Variants in BDKRB1 observed in about 807,000 individuals in gnomAD.
BDKRB1 encodes the protein bradykinin receptor B1, also known as B1 bradykinin receptor.
For missense variants in BDKRB1, 414 were observed against 441.4 expected (o/e 0.94, Z 0.56); for synonymous variants, 192 against 189.1 (o/e 1.02, Z -0.13).
At position 96,264,025 on chromosome 14, in the gene BDKRB1, G is replaced by T. The variant is rs753854373; in HGVS notation, c.343G>T (p.Gly115Trp). 4.3e-6 allele frequency: 7 copies of T among 1,613,982 alleles called. No individual in the cohort carries two copies. In the African/African-American group the frequency reaches 8.0e-5, roughly 18 times the overall value. ...FGALLCRVINGVIKANLFISI... is the reference protein window; with the variant it reads ...FGALLCRVINWVIKANLFISI... ...AGCCCTCCTCTGCCGTGTCATCAAC[G>T]GGGTCATCAAGGCCAATTTGTTCAT... is the stretch of plus-strand genomic sequence containing the variant. The change falls in exon 3 of 3, where the codon GGG becomes TGG. Residue 115 changes from glycine (G) to tryptophan (W), a missense_variant. By Grantham distance (184) the Gly-to-Trp change is radical. Coordinates refer to ENST00000216629, the MANE Select transcript of BDKRB1 (RefSeq NM_000710.4).
intron 1 of BDKRB1, among the ~76,000 whole-genome samples, chr14:96,257,095 G>C (rs1885633285): frequency 6.6e-6 from 1 of 152,172 alleles, no homozygotes; most frequent in Non-Finnish European, 1.5e-5. Context: ...CTCCTCTCTA[G>C]CCAACTTTAT....
chr14:96,262,786 C>G lies in BDKRB1; in HGVS notation c.-11+16C>G, dbSNP rs1885788599. 2.6e-6 allele frequency: 1 copy of G among 387,998 alleles called. No homozygotes were observed. The highest frequency in any genetic ancestry group is 2.1e-5 in the African/African-American group (1 of 46,776). The allele number at this position is 387,998 out of a possible 1,614,324, so 24.0% of individuals were successfully genotyped here. A position where few individuals can be genotyped will look rare whatever the true frequency, so the allele number is the denominator to read the frequency against. The stretch of plus-strand genomic sequence containing the variant: ...GGGACCACAGGTATGCACCACCATG[C>G]CCAGCTAATTTTTGTATTTTTTGTA... On this transcript the variant is annotated intron_variant, in intron 2 of 2. Transcript: ENST00000216629.
intron 2 of BDKRB1, 41 bp from the exon 3 acceptor site, chr14:96,263,632 T>A: frequency 6.5e-7 from 1 of 1,542,776 alleles, no homozygotes; most frequent in Non-Finnish European, 8.7e-7. Context: ...TAGGCTGTAG[T>A]CTGCCACTTC....
rs749391403 is a variant in BDKRB1 at position 96,262,702 on chromosome 14, G to A, written c.-79G>A. ...AAGTGCAGTGGCACAATCATAGCTC[G>A]CTGCAGCCTCGACCTTCCAGGCTTA... On this transcript the variant is annotated 5_prime_UTR_variant, in exon 2 of 3. Coordinates refer to ENST00000216629, the MANE Select transcript of BDKRB1 (RefSeq NM_000710.4). 1.4e-4 allele frequency: 62 copies of A among 443,434 alleles called. No homozygotes were observed. The highest frequency in any genetic ancestry group is 1.0e-3 in the African/African-American group (49 of 47,132). The allele number at this position is 443,434 out of a possible 1,614,324, so 27.5% of individuals were successfully genotyped here.
At chr14:96,261,537 T>C (rs10147171) in intron 1 of BDKRB1, among the ~76,000 whole-genome samples, 14,921 of 152,288 alleles carry the variant, frequency 0.098, 806 homozygotes, top group African/African-American at 0.13. Context: ...CTGACTCTCC[T>C]GAGGTTACAC....
At chr14:96,260,456 C>T (rs1366884557) in intron 1 of BDKRB1, among the ~76,000 whole-genome samples, 1 of 152,238 alleles carries the variant, frequency 6.6e-6, no homozygotes, top group Non-Finnish European at 1.5e-5. Flanking sequence ...GCTATCTGCT[C>T]ATCAACAACT....
Position 96,264,644 on chromosome 14 carries a change from C to T in BDKRB1, c.962C>T (p.Thr321Ile). ...IYVFVGRLFR[T>I]KVWELYKQCT... ...GTCTTTGTGGGCCGGCTCTTCAGGA[C>T]CAAGGTCTGGGAACTTTATAAACAA... is the stretch of plus-strand genomic sequence containing the variant. Residue 321 changes from threonine (T) to isoleucine (I), a missense_variant, in exon 3 of 3, where the codon ACC becomes ATC. Coordinates refer to ENST00000216629, the MANE Select transcript of BDKRB1 (RefSeq NM_000710.4). 6.2e-7 allele frequency: 1 copy of T among 1,614,168 alleles called. No individual in the cohort carries two copies. Among genetic ancestry groups the T allele is most frequent in the Non-Finnish European group, 8.5e-7 (1 of 1,180,040 alleles).
chr14:96,258,497 T>C (rs1473801755), intron 1 of BDKRB1, among the ~76,000 whole-genome samples: 2 of 152,248 alleles, frequency 1.3e-5, no homozygotes, highest in African/African-American at 4.8e-5. Flanking sequence ...CAAGTCCAAT[T>C]CTTTGCATAT....
chr14:96,263,618 CT>C, intron 2 of BDKRB1, 54 bp from the exon 3 acceptor site: 5 of 1,510,660 alleles, frequency 3.3e-6, no homozygotes, highest in Non-Finnish European at 4.4e-6. Flanking sequence ...GTTGGTTTGG[CT>C]CATAGGCTGT....
intron 1 of BDKRB1, 46 bp from the exon 2 acceptor site, chr14:96,262,606 C>CTCCT: frequency 3.2e-6 from 1 of 308,810 alleles, no homozygotes; most frequent in Non-Finnish European, 5.8e-6. Context: ...TCTCTCTCTC[C>CTCCT]TTTTTTTTTT....
At chr14:96,260,324 G>A (rs888704552) in intron 1 of BDKRB1, among the ~76,000 whole-genome samples, 4 of 152,104 alleles carry the variant, frequency 2.6e-5, no homozygotes, top group Non-Finnish European at 4.4e-5. Context: ...GCCCAGCCTG[G>A]TGCAATGTTC....
intron 1 of BDKRB1, among the ~76,000 whole-genome samples, chr14:96,257,233 T>C (rs1743843477): frequency 6.6e-6 from 1 of 152,212 alleles, no homozygotes; most frequent in African/African-American, 2.4e-5. Context: ...TCCACTGACC[T>C]AATCAGGTTC....
rs1227912428 is a variant in BDKRB1 at position 96,264,139 on chromosome 14, C to T, written c.457C>T (p.Gln153Ter). 1.3e-6 allele frequency: 2 copies of T among 1,595,532 alleles called. No individual in the cohort carries two copies. Among genetic ancestry groups the T allele is most frequent in the Admixed American group, 3.4e-5 (2 of 58,932 alleles). ...MASRRQQRRR[Q>*]ARVTCVLIWV... ...CAGCCGGAGGCAGCAGCGGCGGAGG[C>T]AGGCCCGGGTCACCTGCGTGCTCAT... Residue 153 changes from glutamine to a stop codon, truncating the protein, a stop_gained, in exon 3 of 3, where the codon CAG becomes TAG. Coordinates refer to ENST00000216629, the MANE Select transcript of BDKRB1 (RefSeq NM_000710.4). LOFTEE classifies it low-confidence loss of function (END_TRUNC).
In BDKRB1 at chr14:96,263,770, C is replaced by T. The variant is rs762755879; in HGVS notation, c.88C>T (p.Pro30Ser). The change falls in exon 3 of 3, where the codon CCA becomes TCA. Residue 30 changes from proline (P) to serine (S), a missense_variant. Pro to Ser is a moderately conservative substitution (Grantham distance 74, BLOSUM62 -1). Transcript: ENST00000216629. Reference sequence around the variant, plus strand: ...AAATGCTACGGCCTGTGACAATGCTCCAGAAGCCTGGGACCTGCTGCACAG... The same window carrying T: ...AAATGCTACGGCCTGTGACAATGCTTCAGAAGCCTGGGACCTGCTGCACAG... Reference protein sequence around the residue: ...PQNATACDNAPEAWDLLHRVL... With the variant: ...PQNATACDNASEAWDLLHRVL... 6.2e-6 allele frequency: 10 copies of T among 1,614,216 alleles called. No individual in the cohort carries two copies. The highest frequency in any genetic ancestry group is 7.6e-6 in the Non-Finnish European group (9 of 1,180,036).
chr14:96,264,057 C>A lies in BDKRB1; in HGVS notation c.375C>A (p.Ile125=), dbSNP rs1329231690. ...TCAAGGCCAATTTGTTCATCAGCAT[C>A]TTCCTGGTGGTGGCCATCAGCCAGG... The part of the protein sequence containing the change: ...GVIKANLFIS[I]FLVVAISQDR... The change falls in exon 3 of 3, where the codon ATC becomes ATA. Residue 125 remains isoleucine, a synonymous_variant. Coordinates refer to ENST00000216629, the MANE Select transcript of BDKRB1 (RefSeq NM_000710.4). 4 of 1,612,752 alleles carry A rather than the reference C, an allele frequency of 2.5e-6. No homozygotes were observed. The highest frequency in any genetic ancestry group is 2.2e-5 in the South Asian group (2 of 90,750).
chr14:96,256,629 A>G (rs1374149467), intron 1 of BDKRB1, among the ~76,000 whole-genome samples: 1 of 152,242 alleles, frequency 6.6e-6, no homozygotes, highest in Non-Finnish European at 1.5e-5. Context: ...TGGACTGACC[A>G]GTTACAGCCT....
At chr14:96,259,451 A>G (rs1048751984) in intron 1 of BDKRB1, 17 of 152,234 alleles carry the variant, frequency 1.1e-4, no homozygotes, top group Non-Finnish European at 7.3e-5. Context: ...ATGTCAATTT[A>G]TAGAATATTG....
intron 1 of BDKRB1, among the ~76,000 whole-genome samples, chr14:96,262,380 A>G (rs967594973): frequency 6.6e-6 from 1 of 151,916 alleles, no homozygotes; most frequent in Non-Finnish European, 1.5e-5. Context: ...CAGACAGGCG[A>G]CTCCGGGTCT....
At chr14:96,258,912 CAAA>C (rs749637177) in intron 1 of BDKRB1, among the ~76,000 whole-genome samples, 1 of 137,630 alleles carries the variant, frequency 7.3e-6, no homozygotes, top group Non-Finnish European at 1.6e-5. Flanking sequence ...TCAGATACTG[CAAA>C]AAAAAAAAAA....
Sources: allele counts gnomAD v4.1 joint callset (sites outside exome capture counted in the v4.1 genomes callset), GRCh38; gene constraint gnomAD v4.1.1; transcripts MANE v1.5; gene names NCBI Gene and HGNC (gene_info 2026-07-23, HGNC 2026-07-21).